TAS2R1: variants seen among roughly 807,000 people sequenced by gnomAD.
TAS2R1 encodes the protein taste receptor type 2 member 1.
For missense variants in TAS2R1, 370 were observed against 353.4 expected (o/e 1.05, Z -0.38); for synonymous variants, 141 against 134.2 (o/e 1.05, Z -0.35).
chr5:9,889,618 T>C, the TAS2R1 span: 2 of 152,278 alleles, frequency 1.3e-5, no homozygotes, highest in Non-Finnish European at 2.9e-5. Context: ...AGATAGTGCT[T>C]CTGACTTTAT....
chr5:9,656,468 C>T (rs1579770538), intron 2 of TAS2R1, among the ~76,000 whole-genome samples: 1 of 152,216 alleles, frequency 6.6e-6, no homozygotes, highest in Non-Finnish European at 1.5e-5. Flanking sequence ...ATAAGTTCTA[C>T]TCTGAGTCTG....
chr5:9,807,986 T>C, the TAS2R1 span, among the ~76,000 whole-genome samples: 1 of 151,136 alleles, frequency 6.6e-6, no homozygotes, highest in African/African-American at 2.4e-5. Flanking sequence ...TACCAAGAAG[T>C]GGGGTGTTGC....
the TAS2R1 span, among the ~76,000 whole-genome samples, chr5:9,800,349 T>G: frequency 6.6e-6 from 1 of 152,258 alleles, no homozygotes; most frequent in Non-Finnish European, 1.5e-5. Context: ...TGTGTTTAGC[T>G]TAGTCTTAGA....
chr5:9,800,716 T>C, the TAS2R1 span, among the ~76,000 whole-genome samples: 1 of 152,228 alleles, frequency 6.6e-6, no homozygotes, highest in Non-Finnish European at 1.5e-5. Flanking sequence ...GTCCTTCTCA[T>C]GCCACCTCTT....
At chr5:9,767,897 C>G in the TAS2R1 span, among the ~76,000 whole-genome samples, 2 of 128,696 alleles carry the variant, frequency 1.6e-5, no homozygotes, top group Non-Finnish European at 1.5e-5. Context: ...GTACTCCAGC[C>G]TGGGCCACAG....
chr5:9,839,338 T>C, the TAS2R1 span, among the ~76,000 whole-genome samples: 2 of 152,222 alleles, frequency 1.3e-5, no homozygotes, highest in East Asian at 3.8e-4. Flanking sequence ...AGAATTCATA[T>C]ATGATATCAG....
At chr5:9,715,759 C>T (rs1734797872), upstream of TAS2R1, among the ~76,000 whole-genome samples, 1 of 152,200 alleles carries the variant, frequency 6.6e-6, no homozygotes, top group African/African-American at 2.4e-5. Context: ...ATTGTTAATA[C>T]CTGACAGTGA....
chr5:9,778,905 G>A, the TAS2R1 span, among the ~76,000 whole-genome samples: 1 of 152,206 alleles, frequency 6.6e-6, no homozygotes, highest in Non-Finnish European at 1.5e-5. Flanking sequence ...CACTTTTAAT[G>A]TCCTCCAAGA....
the TAS2R1 span, among the ~76,000 whole-genome samples, chr5:9,728,232 T>TA: frequency 6.6e-6 from 1 of 152,244 alleles, no homozygotes. Flanking sequence ...TAATGTAGAT[T>TA]AAACTTATCT....
chr5:9,746,726 T>C, the TAS2R1 span, among the ~76,000 whole-genome samples: 1 of 151,988 alleles, frequency 6.6e-6, no homozygotes, highest in African/African-American at 2.4e-5. Flanking sequence ...TGAGAACACA[T>C]GGACACAGGG....
chr5:9,768,903 C>A, the TAS2R1 span, among the ~76,000 whole-genome samples: 1 of 152,158 alleles, frequency 6.6e-6, no homozygotes. Context: ...CAAACATCAT[C>A]TTTTCTTTGT....
chr5:9,662,214 G>A (rs1268555249), intron 1 of TAS2R1, among the ~76,000 whole-genome samples: 4 of 152,162 alleles, frequency 2.6e-5, no homozygotes, highest in African/African-American at 9.7e-5. Context: ...AGAGCAATAA[G>A]TCACATTGCA....
At chr5:9,857,630 A>G in the TAS2R1 span, among the ~76,000 whole-genome samples, 3 of 152,340 alleles carry the variant, frequency 2.0e-5, no homozygotes, top group South Asian at 4.1e-4. Context: ...ATTCTTTATC[A>G]GGAAGTTTGT....
chr5:9,804,890 G>T, the TAS2R1 span, among the ~76,000 whole-genome samples: 3 of 151,852 alleles, frequency 2.0e-5, no homozygotes, highest in African/African-American at 7.2e-5. Context: ...AAATAATCAA[G>T]ATCGAGCAGA....
chr5:9,769,869 C>T, the TAS2R1 span, among the ~76,000 whole-genome samples: 1 of 152,050 alleles, frequency 6.6e-6, no homozygotes, highest in African/African-American at 2.4e-5. Flanking sequence ...TGGATTATCT[C>T]TTCAGTTTCT....
chr5:9,729,270 G>T, the TAS2R1 span, among the ~76,000 whole-genome samples: 1 of 152,168 alleles, frequency 6.6e-6, no homozygotes, highest in African/African-American at 2.4e-5. Flanking sequence ...CAGCCTCTAT[G>T]GGGGAGGACG....
the TAS2R1 span, among the ~76,000 whole-genome samples, chr5:9,731,223 C>T: frequency 6.6e-6 from 1 of 152,082 alleles, no homozygotes; most frequent in South Asian, 2.1e-4. Flanking sequence ...CCCTCCTTCC[C>T]CACCACACTC....
chr5:9,796,432 A>G, the TAS2R1 span, among the ~76,000 whole-genome samples: 6 of 152,266 alleles, frequency 3.9e-5, no homozygotes, highest in Non-Finnish European at 7.4e-5. Flanking sequence ...TATGGCCAGC[A>G]AGGGTCTCAA....
intron 1 of TAS2R1, among the ~76,000 whole-genome samples, chr5:9,708,414 CCATATAAAGAAATA>C (rs1380437542): frequency 3.4e-4 from 52 of 152,208 alleles, no homozygotes; most frequent in Admixed American, 3.2e-3. Context: ...GGGCCATTTA[CCATATAAAGAAATA>C]CATATAAAGG....
Sources: allele counts gnomAD v4.1 joint callset (sites outside exome capture counted in the v4.1 genomes callset), GRCh38; gene constraint gnomAD v4.1.1; transcripts MANE v1.5; gene names NCBI Gene and HGNC (gene_info 2026-07-23, HGNC 2026-07-21).